Variants in KCNJ6 observed in about 807,000 individuals in gnomAD.
The protein encoded by KCNJ6 is G protein-activated inward rectifier potassium channel 2.
In KCNJ6, 9 loss-of-function variants were observed where a neutral mutation model predicts 34.2. The observed-to-expected ratio is 0.26, with a 90% CI of 0.16 to 0.46. The LOEUF (loss-of-function observed/expected upper bound fraction) is 0.46. KCNJ6 is among the 20% of genes least tolerant of loss of function. KCNJ6 has a pLI of 1.00. For missense variants in KCNJ6, 236 were observed against 531.3 expected (o/e 0.44, Z 5.46); for synonymous variants, 196 against 207.1 (o/e 0.95, Z 0.46).
At chr21:37,827,918 G>A (rs1476910048) in intron 2 of KCNJ6, among the ~76,000 whole-genome samples, 1 of 152,100 alleles carries the variant, frequency 6.6e-6, no homozygotes, top group Non-Finnish European at 1.5e-5. Flanking sequence ...GTGGGGAGCT[G>A]GTATGATCAG....
At chr21:37,860,865 G>A (rs2211847) in intron 1 of KCNJ6, among the ~76,000 whole-genome samples, 70,982 of 132,150 alleles carry the variant, frequency 0.54, 17,369 homozygotes, top group East Asian at 0.67. Context: ...TGTAGCTTTC[G>A]TCTTCATTGT....
chr21:37,664,017 T>A (rs2054502276), intron 3 of KCNJ6, among the ~76,000 whole-genome samples: 1 of 152,212 alleles, frequency 6.6e-6, no homozygotes, highest in Non-Finnish European at 1.5e-5. Context: ...CAGTTCACAT[T>A]ATCCAATTAT....
At chr21:37,711,697 C>T (rs1323107330) in intron 3 of KCNJ6, among the ~76,000 whole-genome samples, 3 of 152,050 alleles carry the variant, frequency 2.0e-5, no homozygotes, top group African/African-American at 4.8e-5. Context: ...CCTGCTGAAG[C>T]GTAAGAGAGC....
At chr21:37,744,283 G>A (rs573191583) in intron 2 of KCNJ6, among the ~76,000 whole-genome samples, 7 of 151,988 alleles carry the variant, frequency 4.6e-5, no homozygotes, top group African/African-American at 1.7e-4. Context: ...TGCACATTGT[G>A]CACATGTACC....
At chr21:37,652,360 A>G (rs2054437619) in intron 3 of KCNJ6, among the ~76,000 whole-genome samples, 1 of 152,198 alleles carries the variant, frequency 6.6e-6, no homozygotes. Context: ...AACCTGTGGG[A>G]GCCTGTTGAG....
At chr21:37,634,854 GT>G (rs1377334131) in intron 3 of KCNJ6, among the ~76,000 whole-genome samples, 1 of 151,504 alleles carries the variant, frequency 6.6e-6, no homozygotes, top group Admixed American at 6.6e-5. Flanking sequence ...TCCCTCCTGG[GT>G]TCAAGTGATT....
chr21:37,711,361 T>G (rs2054751280), intron 3 of KCNJ6, among the ~76,000 whole-genome samples: 2 of 152,166 alleles, frequency 1.3e-5, no homozygotes, highest in Admixed American at 1.3e-4. Flanking sequence ...AAGGTGGCCA[T>G]GTGGGCCTTC....
chr21:37,613,476 A>G lies in KCNJ6; in HGVS notation c.*11683T>C, dbSNP rs1441002038. ...CAAAAACCTGCATACAGATATTTAT[A>G]GTGGCTTTATTCATAACTGACCAAA... On this transcript the variant is annotated 3_prime_UTR_variant, in exon 4 of 4. Coordinates refer to ENST00000609713, the MANE Select transcript of KCNJ6 (RefSeq NM_002240.5). 1.3e-5 allele frequency: 2 copies of G among 152,930 alleles called. No homozygotes were observed. The highest frequency in any genetic ancestry group is 4.8e-5 in the African/African-American group (2 of 41,486). The allele number at this position is 152,930 out of a possible 1,614,324, so 9.5% of individuals were successfully genotyped here.
At chr21:37,894,342 G>C (rs1274262217) in intron 1 of KCNJ6, among the ~76,000 whole-genome samples, 1 of 152,152 alleles carries the variant, frequency 6.6e-6, no homozygotes, top group Non-Finnish European at 1.5e-5. Flanking sequence ...TGCACATTGA[G>C]GTTTGAGAAA....
intron 2 of KCNJ6, among the ~76,000 whole-genome samples, chr21:37,773,141 A>G (rs1166028140): frequency 6.6e-6 from 1 of 152,126 alleles, no homozygotes; most frequent in African/African-American, 2.4e-5. Flanking sequence ...TTTGTGGATG[A>G]TGATCCTTTT....
At position 37,690,056 on chromosome 21, in the gene KCNJ6, CCTTT is replaced by C. The variant is rs1164386436; in HGVS notation, c.946+24151_946+24154del. ...AACTACAGATTATCCTTATAAAAAT[CCTTT>C]CTTTCTCAGTATAAGATTATGCAAT... is the stretch of plus-strand genomic sequence containing the variant. On this transcript the variant is annotated intron_variant, in intron 3 of 3. Coordinates refer to ENST00000609713, the MANE Select transcript of KCNJ6 (RefSeq NM_002240.5). Among the ~76,000 whole-genome samples, 7 of 152,200 alleles carry C rather than the reference CCTTT, an allele frequency of 4.6e-5. No homozygotes were observed. The East Asian group carries it at 1.2e-3, about 25-fold the overall frequency.
intron 2 of KCNJ6, among the ~76,000 whole-genome samples, chr21:37,716,112 T>C (rs978236800): frequency 6.6e-6 from 1 of 152,216 alleles, no homozygotes; most frequent in African/African-American, 2.4e-5. Context: ...CCCTTGTCAC[T>C]TTCCTTATGT....
chr21:37,660,379 C>T (rs752484678), intron 3 of KCNJ6, among the ~76,000 whole-genome samples: 8 of 152,178 alleles, frequency 5.3e-5, no homozygotes, highest in South Asian at 2.1e-4. Context: ...AGGCTGGCTT[C>T]GGGGCTCTCC....
At chr21:37,639,889 C>T (rs2054373608) in intron 3 of KCNJ6, among the ~76,000 whole-genome samples, 1 of 152,166 alleles carries the variant, frequency 6.6e-6, no homozygotes, top group African/African-American at 2.4e-5. Context: ...GTAAGACATA[C>T]CTGCTTCCCC....
chr21:37,652,259 C>T (rs181554161), intron 3 of KCNJ6, among the ~76,000 whole-genome samples: 1 of 152,030 alleles, frequency 6.6e-6, no homozygotes, highest in Non-Finnish European at 1.5e-5. Context: ...GCTGGATGGA[C>T]AAAAGAAATG....
intron 2 of KCNJ6, among the ~76,000 whole-genome samples, chr21:37,775,729 T>G (rs2123507280): frequency 6.6e-6 from 1 of 152,298 alleles, no homozygotes; most frequent in South Asian, 2.1e-4. Context: ...TTGGTACCAG[T>G]ACCATGCTGT....
intron 2 of KCNJ6, among the ~76,000 whole-genome samples, chr21:37,717,735 G>A (rs922256803): frequency 3.9e-5 from 6 of 152,230 alleles, no homozygotes; most frequent in Non-Finnish European, 4.4e-5. Context: ...CCGCTGGGAG[G>A]CTGCCCAGCT....
rs376738658 is a variant in KCNJ6, at chr21:37,614,380, GTGTA to G, written c.*10775_*10778del. The stretch of plus-strand genomic sequence containing the variant: ...TAAGAGTGTGTGTGTGTGTGTGTGT[GTGTA>G]TATCTGTGTGTGCGTATGCATGTGT... On this transcript the variant is annotated 3_prime_UTR_variant, in exon 4 of 4. Transcript: ENST00000609713. The G allele has an allele frequency of 0.26, 38,088 of 146,912 alleles. 5,115 individuals are homozygous for G. Among genetic ancestry groups the G allele is most frequent in the South Asian group, 0.33 (1,539 of 4,672 alleles). 9.1% of individuals were successfully genotyped at this position (146,912 alleles called of 1,614,324 possible).
chr21:37,820,789 G>A (rs923234756), intron 2 of KCNJ6, among the ~76,000 whole-genome samples: 1 of 152,296 alleles, frequency 6.6e-6, no homozygotes, highest in Admixed American at 6.5e-5. Context: ...AAGAGCTTAG[G>A]ATATAAGAAC....
Sources: allele counts gnomAD v4.1 joint callset (sites outside exome capture counted in the v4.1 genomes callset), GRCh38; gene constraint gnomAD v4.1.1; transcripts MANE v1.5; gene names NCBI Gene and HGNC (gene_info 2026-07-23, HGNC 2026-07-21).